The following FMNL2 variants were observed in gnomAD, a reference collection of about 807,000 sequenced individuals.
FMNL2 encodes formin-like protein 2.
In FMNL2, 51 loss-of-function variants were observed where a neutral mutation model predicts 130.2. That is an observed-to-expected ratio of 0.39 (90% CI 0.31 to 0.49). The LOEUF is 0.49. Ranked by LOEUF, FMNL2 falls within the 20% of genes least tolerant of loss-of-function variation. FMNL2 has a pLI of 0.85. For synonymous variants in FMNL2, 465 were observed against 467.1 expected (o/e 1.00, Z 0.06); for missense variants, 977 against 1,316.2 (o/e 0.74, Z 3.99).
At chr2:152,528,865 G>A (rs189792650) in intron 2 of FMNL2, among the ~76,000 whole-genome samples, 8 of 152,190 alleles carry the variant, frequency 5.3e-5, no homozygotes, top group African/African-American at 1.9e-4. Context: ...TCAACACACA[G>A]CTTCCCCTTC....
At chr2:152,532,589 GC>G (rs1319100060) in intron 2 of FMNL2, among the ~76,000 whole-genome samples, 40 of 144,102 alleles carry the variant, frequency 2.8e-4, no homozygotes, top group African/African-American at 1.0e-3. Context: ...CAAATCTTTT[GC>G]CTATTTTAAT....
In FMNL2 at chr2:152,626,513, T is replaced by G. The variant is rs756302900; in HGVS notation, c.1963-12T>G. 6.3e-7 allele frequency: 1 copy of G among 1,586,854 alleles called. No individual in the cohort carries two copies. The highest frequency in any genetic ancestry group is 2.3e-5 in the East Asian group (1 of 44,272). Reference sequence around the variant, plus strand: ...TAATCCAATTTTCCATGGTCATTCCTCTCTATCTTAGGATTTAAATGTGGA... The same window carrying G: ...TAATCCAATTTTCCATGGTCATTCCGCTCTATCTTAGGATTTAAATGTGGA... On this transcript the variant is annotated splice_polypyrimidine_tract_variant and intron_variant, in intron 16 of 25. Coordinates refer to ENST00000288670, the MANE Select transcript of FMNL2 (RefSeq NM_052905.4).
At chr2:152,510,483 T>A (rs1692441016) in intron 1 of FMNL2, among the ~76,000 whole-genome samples, 1 of 152,246 alleles carries the variant, frequency 6.6e-6, no homozygotes, top group Non-Finnish European at 1.5e-5. Flanking sequence ...TGGGAATTCT[T>A]CTATTTTTAT....
In FMNL2 at chr2:152,351,917, C is replaced by T. The variant is rs367826734; in HGVS notation, c.117+16197C>T. ...TAACTGGCATGAGGTGGTATCTCAT[C>T]GTGGTTTTGATTTGCATTTCTCTAA... On this transcript the variant is annotated intron_variant, in intron 1 of 25. Transcript: ENST00000288670. 2.6e-5 allele frequency among the ~76,000 whole-genome samples: 4 copies of T among 152,250 alleles called. No individual in the cohort carries two copies. In the East Asian group the frequency reaches 7.7e-4, roughly 29 times the overall value.
intron 21 of FMNL2, among the ~76,000 whole-genome samples, chr2:152,635,287 G>A (rs1420836544): frequency 2.0e-5 from 3 of 152,110 alleles, no homozygotes; most frequent in Admixed American, 1.3e-4. Context: ...TCTGATGGCC[G>A]GCCACTAAGC....
chr2:152,625,369 T>C, intron 15 of FMNL2, 69 bp from the exon 16 acceptor site: 5 of 1,541,436 alleles, frequency 3.2e-6, no homozygotes, highest in Non-Finnish European at 4.4e-6. Context: ...CAAGGACTGT[T>C]GTCTGATTGT....
chr2:152,544,002 G>C (rs1460751573), intron 3 of FMNL2, among the ~76,000 whole-genome samples: 1 of 152,120 alleles, frequency 6.6e-6, no homozygotes, highest in East Asian at 1.9e-4. Flanking sequence ...TAAAAGACCT[G>C]TTGTCAGGTC....
intron 1 of FMNL2, among the ~76,000 whole-genome samples, chr2:152,378,919 G>A (rs62180766): frequency 0.11 from 14,196 of 134,890 alleles, 948 homozygotes; most frequent in East Asian, 0.22. Flanking sequence ...CCTTGAAGCA[G>A]GTAAGTAGGA....
chr2:152,625,366 T>C, intron 15 of FMNL2, 72 bp from the exon 16 acceptor site: 1 of 1,533,902 alleles, frequency 6.5e-7, no homozygotes, highest in South Asian at 1.2e-5. Flanking sequence ...CTGCAAGGAC[T>C]GTTGTCTGAT....
chr2:152,632,814 T>A (rs1477320614), intron 21 of FMNL2, among the ~76,000 whole-genome samples: 1 of 152,196 alleles, frequency 6.6e-6, no homozygotes, highest in African/African-American at 2.4e-5. Flanking sequence ...CATATTCGAT[T>A]AGCAAAAGGA....
chr2:152,381,019 A>G (rs1053224852), intron 1 of FMNL2, among the ~76,000 whole-genome samples: 5 of 152,228 alleles, frequency 3.3e-5, no homozygotes, highest in African/African-American at 1.2e-4. Context: ...TAGGTGCCTA[A>G]TAAGTAGAGT....
At position 152,432,723 on chromosome 2, in the gene FMNL2, G is replaced by A. The variant is rs899221281; in HGVS notation, c.118-89220G>A. On this transcript the variant is annotated intron_variant, in intron 1 of 25. Transcript: ENST00000288670. ...TGAGGTTGAATTGGCATAGGGGGCCGTTAATTAAACTGTAGCCTTTCTTGG... is the reference window on the plus strand; with the variant it reads ...TGAGGTTGAATTGGCATAGGGGGCCATTAATTAAACTGTAGCCTTTCTTGG... Among the ~76,000 whole-genome samples the A allele has an allele frequency of 1.3e-4, 20 of 152,342 alleles. 1 individual carries two copies. In the Middle Eastern group the frequency reaches 0.01, roughly 78 times the overall value.
At chr2:152,619,365 A>C (rs1025609669) in intron 14 of FMNL2, 144 bp from the exon 15 acceptor site, 77 of 1,379,654 alleles carry the variant, frequency 5.6e-5, no homozygotes, top group Non-Finnish European at 7.0e-5. Flanking sequence ...CCCACATGTC[A>C]ATGAGGACAT....
chr2:152,338,464 C>A (rs1681603191), intron 1 of FMNL2, among the ~76,000 whole-genome samples: 1 of 152,038 alleles, frequency 6.6e-6, no homozygotes, highest in Admixed American at 6.6e-5. Flanking sequence ...TAAGAGAGAA[C>A]AAATCTATTC....
chr2:152,441,035 C>T (rs1047234109), intron 1 of FMNL2, among the ~76,000 whole-genome samples: 5 of 152,148 alleles, frequency 3.3e-5, no homozygotes, highest in African/African-American at 1.2e-4. Context: ...AGGGTGATTT[C>T]TATAGTCTTA....
At chr2:152,643,401 C>T (rs1253412952) in intron 25 of FMNL2, 7 of 1,535,862 alleles carry the variant, frequency 4.6e-6, no homozygotes, top group Non-Finnish European at 5.2e-6. Flanking sequence ...TGTTGTTTGG[C>T]TGTCATTTTC....
chr2:152,566,927 C>G (rs1226930116), intron 6 of FMNL2, among the ~76,000 whole-genome samples: 3 of 152,234 alleles, frequency 2.0e-5, no homozygotes, highest in Admixed American at 1.3e-4. Context: ...AGCGGAGGTT[C>G]AGTGGTAAGA....
At chr2:152,467,705 T>C (rs573508270) in intron 1 of FMNL2, among the ~76,000 whole-genome samples, 2 of 152,344 alleles carry the variant, frequency 1.3e-5, no homozygotes, top group African/African-American at 4.8e-5. Context: ...CTGTGGACTT[T>C]ATCAGTATGT....
rs879147673 is a variant in FMNL2 at position 152,390,318 on chromosome 2, A to G, written c.117+54598A>G. 3.1e-5 allele frequency: 39 copies of G among 1,242,082 alleles called. No individual in the cohort carries two copies. In the South Asian group the frequency reaches 4.3e-4, roughly 14 times the overall value. The allele number at this position is 1,242,082 out of a possible 1,614,324, so 76.9% of individuals were successfully genotyped here. ...CGATGGGGAGCTCTACAACGAAGTG[A>G]AGGTAGGGGAGAGCTCGTGGCTCAT... is the stretch of plus-strand genomic sequence containing the variant. On this transcript the variant is annotated intron_variant, in intron 1 of 25. Transcript: ENST00000288670.
Sources: allele counts gnomAD v4.1 joint callset (sites outside exome capture counted in the v4.1 genomes callset), GRCh38; gene constraint gnomAD v4.1.1; transcripts MANE v1.5; gene names NCBI Gene and HGNC (gene_info 2026-07-23, HGNC 2026-07-21).